EFR3A: variants seen among roughly 807,000 people sequenced by gnomAD.
EFR3A encodes the protein EFR3 homolog A.
EFR3A carries 76 observed loss-of-function variants against 104.4 expected under a neutral mutation model. The observed-to-expected ratio is 0.73, with a 90% CI of 0.60 to 0.88. The LOEUF (loss-of-function observed/expected upper bound fraction) is 0.88. EFR3A is among the 40% of genes least tolerant of loss of function. The probability of loss-of-function intolerance (pLI) is 0.00; values close to 1 mark genes in which losing one functional copy is unlikely to be tolerated. For synonymous variants in EFR3A, 330 were observed against 330.0 expected, an observed-to-expected ratio of 1.00 and a Z score of 0.00; for missense variants, 985 against 1,012.5, an observed-to-expected ratio of 0.97 and a Z score of 0.37.
rs1819942168 is a variant in EFR3A at position 131,969,675 on chromosome 8, A to C, written c.992-801A>C. On this transcript the variant is annotated intron_variant, in intron 9 of 22. Transcript: ENST00000254624. ...AATAAAGGTGGGCATCTTGGATGTG[A>C]ATTTTCTGTTTTATCTTGTAACTTG... 2.0e-5 allele frequency among the ~76,000 whole-genome samples: 3 copies of C among 151,912 alleles called. No individual in the cohort carries two copies. In the South Asian group the frequency reaches 6.2e-4, roughly 31 times the overall value.
At chr8:131,977,007 T>G in intron 11 of EFR3A, 34 bp from the exon 12 acceptor site, 3 of 1,433,398 alleles carry the variant, frequency 2.1e-6, no homozygotes, top group Non-Finnish European at 2.9e-6. Flanking sequence ...TAAATGCTAA[T>G]TAGTATAATA....
intron 11 of EFR3A, among the ~76,000 whole-genome samples, chr8:131,976,581 A>G (rs1160162814): frequency 1.3e-5 from 2 of 152,056 alleles, no homozygotes; most frequent in African/African-American, 2.4e-5. Flanking sequence ...TTTGTTTGTG[A>G]ATGTTGTTTT....
chr8:131,930,088 C>A (rs1442145677), intron 1 of EFR3A, among the ~76,000 whole-genome samples: 2 of 152,080 alleles, frequency 1.3e-5, no homozygotes, highest in African/African-American at 2.4e-5. Flanking sequence ...ACTTCCAGAC[C>A]CAGGTATGCT....
chr8:131,920,050 C>T (rs1016623968), intron 1 of EFR3A, among the ~76,000 whole-genome samples: 2 of 152,092 alleles, frequency 1.3e-5, no homozygotes, highest in Non-Finnish European at 2.9e-5. Flanking sequence ...AAAAAGGGGC[C>T]TTAGCTTCAA....
chr8:131,904,461 T>TA, intron 1 of EFR3A, 139 bp downstream of exon 1: 1 of 883,700 alleles, frequency 1.1e-6, no homozygotes, highest in Non-Finnish European at 1.5e-6. Context: ...GCGGCGGAGT[T>TA]AGTTTCGTTT....
rs146908277 is a variant in EFR3A, at chr8:131,930,028, C to T, written c.11-10471C>T. 3.2e-3 allele frequency among the ~76,000 whole-genome samples: 486 copies of T among 152,236 alleles called. 4 individuals are homozygous for T. The highest frequency in any genetic ancestry group is 5.4e-3 in the Non-Finnish European group (370 of 68,004). ...GACCAAGCCTTTTGCAAGGAAGGCA[C>T]ATTGATTCAAACTGCCCTATAACTC... On this transcript the variant is annotated intron_variant, in intron 1 of 22. Coordinates refer to ENST00000254624, the MANE Select transcript of EFR3A (RefSeq NM_015137.6).
rs1158188007 is a variant in EFR3A at position 131,949,957 on chromosome 8, T to C, written c.367-12T>C. 3 of 1,578,152 alleles carry C rather than the reference T, an allele frequency of 1.9e-6. No homozygotes were observed. The stretch of plus-strand genomic sequence containing the variant: ...AGAAGGTGAAGTATATTATATTATT[T>C]GTGTTTTTTAGTTTGTCAAATTTGC... On this transcript the variant is annotated splice_polypyrimidine_tract_variant and intron_variant, in intron 4 of 22. Coordinates refer to ENST00000254624, the MANE Select transcript of EFR3A (RefSeq NM_015137.6).
intron 1 of EFR3A, among the ~76,000 whole-genome samples, chr8:131,931,714 G>T (rs2130503144): frequency 1.3e-5 from 2 of 150,934 alleles, no homozygotes; most frequent in South Asian, 4.1e-4. Context: ...TTGATACATG[G>T]TAAGTATTAT....
chr8:131,996,541 A>G (rs369080821), intron 19 of EFR3A, 44 bp downstream of exon 19: 3 of 1,321,200 alleles, frequency 2.3e-6, no homozygotes, highest in Admixed American at 3.0e-5. Flanking sequence ...CTTGGTAGAC[A>G]TCATTTAAAA....
At chr8:131,938,301 C>G in intron 1 of EFR3A, 1 of 397,878 alleles carries the variant, frequency 2.5e-6, no homozygotes, top group East Asian at 3.6e-5. Context: ...GAGTCACCTA[C>G]ATTTCTATAC....
In EFR3A at chr8:132,013,190, A is replaced by G. The variant is rs929595826; in HGVS notation, c.*2295A>G. ...AATAAAACTCAATAAATTGTTAATC[A>G]TTCTCTTTTTGCTGTATAGAATTGC... On this transcript the variant is annotated 3_prime_UTR_variant, in exon 23 of 23. Coordinates refer to ENST00000254624, the MANE Select transcript of EFR3A (RefSeq NM_015137.6). 23 of 152,484 alleles carry G rather than the reference A, an allele frequency of 1.5e-4. No individual in the cohort carries two copies. The highest frequency in any genetic ancestry group is 5.5e-4 in the African/African-American group (23 of 41,572). The allele number at this position is 152,484 out of a possible 1,614,324, so 9.4% of individuals were successfully genotyped here.
chr8:131,917,233 G>A (rs1352849134), intron 1 of EFR3A, among the ~76,000 whole-genome samples: 1 of 152,222 alleles, frequency 6.6e-6, no homozygotes, highest in Non-Finnish European at 1.5e-5. Context: ...TTAGAGACGA[G>A]CTGTCACCTG....
intron 22 of EFR3A, among the ~76,000 whole-genome samples, chr8:132,010,449 T>TATATATATA (rs1326843233): frequency 3.1e-5 from 4 of 128,398 alleles, no homozygotes; most frequent in East Asian, 2.2e-4. Context: ...TATATATATA[T>TATATATATA]AATGAAATAC....
chr8:131,949,595 G>A (rs1380561563), intron 4 of EFR3A, among the ~76,000 whole-genome samples: 1 of 152,060 alleles, frequency 6.6e-6, no homozygotes, highest in Admixed American at 6.6e-5. Context: ...TTTGAGGCCA[G>A]GAGTTCAAGA....
intron 8 of EFR3A, among the ~76,000 whole-genome samples, chr8:131,961,231 G>A (rs1192768428): frequency 2.0e-5 from 3 of 152,210 alleles, no homozygotes; most frequent in Non-Finnish European, 4.4e-5. Context: ...GACAAGTTGA[G>A]AGAAGAAGGC....
chr8:131,983,130 G>T (rs748823403), intron 14 of EFR3A, among the ~76,000 whole-genome samples: 2 of 152,164 alleles, frequency 1.3e-5, no homozygotes, highest in Non-Finnish European at 2.9e-5. Flanking sequence ...TTCTCGCCCA[G>T]TTTCTTCTCC....
chr8:131,949,043 A>G (rs1451125865), intron 4 of EFR3A, among the ~76,000 whole-genome samples: 1 of 152,122 alleles, frequency 6.6e-6, no homozygotes, highest in Non-Finnish European at 1.5e-5. Flanking sequence ...AGTGTTTCAA[A>G]TATAGAAAAG....
At position 131,960,972 on chromosome 8, in the gene EFR3A, G is replaced by T. The variant is rs567419107; in HGVS notation, c.855+1309G>T. Among the ~76,000 whole-genome samples the T allele has an allele frequency of 1.2e-4, 19 of 152,238 alleles. No individual in the cohort carries two copies. In the South Asian group the frequency reaches 3.5e-3, roughly 28 times the overall value. ...ACAGGGTCTGGAGTGGACCTCTGGC[G>T]AACTCCCAACAGACCTGCAGCTGAG... On this transcript the variant is annotated intron_variant, in intron 8 of 22. Coordinates refer to ENST00000254624, the MANE Select transcript of EFR3A (RefSeq NM_015137.6).
rs1262781941 is a variant in EFR3A at position 132,011,925 on chromosome 8, CTG to C, written c.*1034_*1035del. 1.3e-5 allele frequency: 2 copies of C among 152,084 alleles called. No homozygotes were observed. Among genetic ancestry groups the C allele is most frequent in the African/African-American group, 4.8e-5 (2 of 41,408 alleles). 9.4% of individuals were successfully genotyped at this position (152,084 alleles called of 1,614,324 possible). Reference sequence around the variant, plus strand: ...GAATCAATTATATTTGAAAAGCTGCCTGTGTTTTAACAGTCAAGTGTGCTAAA... The same window carrying C: ...GAATCAATTATATTTGAAAAGCTGCCTGTTTTAACAGTCAAGTGTGCTAAA... On this transcript the variant is annotated 3_prime_UTR_variant, in exon 23 of 23. Coordinates refer to ENST00000254624, the MANE Select transcript of EFR3A (RefSeq NM_015137.6).
Sources: gnomAD v4.1 joint callset for allele counts (sites outside exome capture counted in the v4.1 genomes callset) on GRCh38, gnomAD v4.1.1 for gene constraint, MANE v1.5 for transcripts, NCBI Gene and HGNC (gene_info 2026-07-23, HGNC 2026-07-21) for gene names.